Variants in PADI4 observed in about 807,000 individuals in gnomAD.
PADI4 encodes the protein protein-arginine deiminase type-4.
PADI4 carries 62 observed loss-of-function variants against 75.0 expected under a neutral mutation model. That is an observed-to-expected ratio of 0.83 (90% CI 0.67 to 1.02). The LOEUF (loss-of-function observed/expected upper bound fraction) is 1.02. PADI4 is among the 50% of genes least tolerant of loss of function. The pLI, the probability that PADI4 is intolerant of heterozygous loss-of-function variation, is 0.00. For missense variants in PADI4, 845 were observed against 850.5 expected (o/e 0.99, Z 0.08); for synonymous variants, 361 against 348.1 (o/e 1.04, Z -0.41).
Position 17,356,607 on chromosome 1 carries a change from A to C in PADI4, c.1558+148A>C, listed in dbSNP as rs1054703907. The C allele has an allele frequency of 1.6e-6, 1 of 606,652 alleles. No homozygotes were observed. The highest frequency in any genetic ancestry group is 2.6e-4 in the Middle Eastern group (1 of 3,874). The allele number at this position is 606,652 out of a possible 1,614,324, so 37.6% of individuals were successfully genotyped here. The stretch of plus-strand genomic sequence containing the variant: ...CTGTGCCAAGTGCTAGGGAGACTGC[A>C]TGAACAGGGCAGAACAGCTTGCTGC... On this transcript the variant is annotated intron_variant, in intron 13 of 15. Coordinates refer to ENST00000375448, the MANE Select transcript of PADI4 (RefSeq NM_012387.3). This position sits in a 1 kb window ranked among gnomAD's most constrained non-coding sequence, Gnocchi z 4.1.
chr1:17,329,323 CA>C (rs10716965), intron 1 of PADI4, among the ~76,000 whole-genome samples: 6,482 of 109,224 alleles, frequency 0.059, 153 homozygotes, highest in African/African-American at 0.075. Context: ...GACTCTGTCT[CA>C]AAAAAAAAAA....
At chr1:17,354,980 A>T (rs1312183098) in intron 11 of PADI4, among the ~76,000 whole-genome samples, 1 of 152,232 alleles carries the variant, frequency 6.6e-6, no homozygotes, top group African/African-American at 2.4e-5. Context: ...ACAAGTCCTT[A>T]CCACTACTCT....
At chr1:17,359,508 C>CG in intron 15 of PADI4, 100 bp downstream of exon 15, 1 of 1,507,258 alleles carries the variant, frequency 6.6e-7, no homozygotes, top group African/African-American at 1.4e-5. Flanking sequence ...GGCTTGGCTC[C>CG]TCTCTGTAAC....
At chr1:17,334,086 G>T in intron 3 of PADI4, 77 bp downstream of exon 3, 1 of 921,906 alleles carries the variant, frequency 1.1e-6, no homozygotes, top group South Asian at 1.3e-5. Context: ...GTCTCTGTAG[G>T]AGAAACTACA....
At chr1:17,320,656 T>G (rs1031120887) in intron 1 of PADI4, among the ~76,000 whole-genome samples, 1 of 152,160 alleles carries the variant, frequency 6.6e-6, no homozygotes, top group African/African-American at 2.4e-5. Flanking sequence ...TTATAATTAG[T>G]GTATAACGAG....
intron 4 of PADI4, among the ~76,000 whole-genome samples, chr1:17,337,125 TTTTA>T (rs796676927): frequency 2.0e-5 from 3 of 151,552 alleles, no homozygotes; most frequent in Non-Finnish European, 3.0e-5. Flanking sequence ...AAGCTCAACA[TTTTA>T]TTTATTTATT....
chr1:17,333,831 T>A (rs1409469175), intron 2 of PADI4, 112 bp from the exon 3 acceptor site: 1 of 761,726 alleles, frequency 1.3e-6, no homozygotes, highest in Non-Finnish European at 2.3e-6. Context: ...GGACCAGTTC[T>A]TGCCCAACTT....
At chr1:17,315,758 C>T (rs1217872243) in intron 1 of PADI4, among the ~76,000 whole-genome samples, 1 of 151,958 alleles carries the variant, frequency 6.6e-6, no homozygotes, top group Non-Finnish European at 1.5e-5. Flanking sequence ...GTGACCCACA[C>T]CCTTTTCTCA....
intron 2 of PADI4, among the ~76,000 whole-genome samples, chr1:17,333,150 C>A (rs368698850): frequency 3.3e-5 from 5 of 152,184 alleles, no homozygotes; most frequent in Admixed American, 2.0e-4. Flanking sequence ...TGTGGCCTAG[C>A]AAGTAGATAG....
intron 1 of PADI4, among the ~76,000 whole-genome samples, chr1:17,328,350 C>A (rs1212048714): frequency 6.6e-6 from 1 of 151,988 alleles, no homozygotes; most frequent in African/African-American, 2.4e-5. Flanking sequence ...ATAGGCCAGG[C>A]GCATAAAAGT....
At chr1:17,353,269 G>A (rs2074698899) in intron 10 of PADI4, among the ~76,000 whole-genome samples, 1 of 152,012 alleles carries the variant, frequency 6.6e-6, no homozygotes, top group Non-Finnish European at 1.5e-5. Flanking sequence ...GACCAGCCTG[G>A]GCAACATAGT....
chr1:17,351,550 A>G (rs1010643579), intron 10 of PADI4, among the ~76,000 whole-genome samples: 5 of 149,744 alleles, frequency 3.3e-5, no homozygotes, highest in African/African-American at 9.9e-5. Context: ...GTGAGGCTGC[A>G]GTGAGCCATG....
At chr1:17,322,430 G>A (rs1054613690) in intron 1 of PADI4, among the ~76,000 whole-genome samples, 6 of 151,996 alleles carry the variant, frequency 3.9e-5, no homozygotes, top group Non-Finnish European at 5.9e-5. Flanking sequence ...CGGAGGCTGC[G>A]GTGAGCTGAG....
intron 8 of PADI4, among the ~76,000 whole-genome samples, chr1:17,345,745 T>A (rs1044071671): frequency 6.6e-6 from 1 of 152,166 alleles, no homozygotes; most frequent in Non-Finnish European, 1.5e-5. Flanking sequence ...GAACTGTAAG[T>A]CCAATTAAAC....
intron 14 of PADI4, 64 bp from the exon 15 acceptor site, chr1:17,359,216 G>A: frequency 1.2e-6 from 1 of 802,008 alleles, no homozygotes. Context: ...GCCCCACACT[G>A]TCCCCCACCC....
At chr1:17,344,778 G>A (rs2074485943) in intron 8 of PADI4, among the ~76,000 whole-genome samples, 1 of 152,236 alleles carries the variant, frequency 6.6e-6, no homozygotes, top group Non-Finnish European at 1.5e-5. Flanking sequence ...CCAAAGATGT[G>A]TGGAAACGCC....
At chr1:17,331,286 C>T in intron 2 of PADI4, 137 bp downstream of exon 2, 1 of 684,912 alleles carries the variant, frequency 1.5e-6, no homozygotes, top group South Asian at 1.9e-5. Flanking sequence ...TGGCTTCTTC[C>T]AGCCATAGTG....
chr1:17,363,353 G>A (rs530852914), intron 15 of PADI4, among the ~76,000 whole-genome samples, 169 bp from the exon 16 acceptor site: 3 of 151,128 alleles, frequency 2.0e-5, no homozygotes, highest in Non-Finnish European at 4.4e-5. Flanking sequence ...AAACTCTTGG[G>A]CTCAAGCGAT....
At chr1:17,314,662 C>G (rs923676585) in intron 1 of PADI4, among the ~76,000 whole-genome samples, 1 of 152,218 alleles carries the variant, frequency 6.6e-6, no homozygotes, top group African/African-American at 2.4e-5. Flanking sequence ...AGTGGCTAGG[C>G]CAAGGTCACA....
Sources: gnomAD v4.1 joint callset for allele counts (sites outside exome capture counted in the v4.1 genomes callset) on GRCh38, gnomAD v4.1.1 for gene constraint, Gnocchi (gnomAD v3.1) non-coding constraint, MANE v1.5 for transcripts, NCBI Gene and HGNC (gene_info 2026-07-23, HGNC 2026-07-21) for gene names.